Variants in FBXL7 observed in about 807,000 individuals in gnomAD.
FBXL7 encodes the protein F-box/LRR-repeat protein 7.
In FBXL7, 12 loss-of-function variants were observed where a neutral mutation model predicts 38.3. That is an observed-to-expected ratio of 0.31 (90% CI 0.20 to 0.51). The LOEUF is 0.51. FBXL7 is among the 20% of genes least tolerant of loss of function. FBXL7 has a pLI of 0.98. For synonymous variants in FBXL7, 297 were observed against 300.9 expected, an observed-to-expected ratio of 0.99 and a Z score of 0.13; for missense variants, 567 against 676.4, an observed-to-expected ratio of 0.84 and a Z score of 1.79.
At chr5:15,760,629 C>T (rs967332909) in intron 2 of FBXL7, among the ~76,000 whole-genome samples, 8 of 151,992 alleles carry the variant, frequency 5.3e-5, no homozygotes, top group Non-Finnish European at 8.8e-5. Flanking sequence ...AGGGATGAAG[C>T]CTTCTGGACC....
chr5:15,799,920 A>T (rs1350434992), intron 2 of FBXL7, among the ~76,000 whole-genome samples: 1 of 112,996 alleles, frequency 8.8e-6, no homozygotes, highest in Non-Finnish European at 2.0e-5. Flanking sequence ...GTGTACTGTC[A>T]TAAAGTGTTT....
At chr5:15,672,028 T>G (rs17523486) in intron 2 of FBXL7, among the ~76,000 whole-genome samples, 26,123 of 152,178 alleles carry the variant, frequency 0.17, 2,333 homozygotes, top group Non-Finnish European at 0.19. Context: ...CTAATAATGT[T>G]AGTTACTGTA....
At chr5:15,847,198 T>C (rs1314789148) in intron 2 of FBXL7, among the ~76,000 whole-genome samples, 1 of 152,166 alleles carries the variant, frequency 6.6e-6, no homozygotes, top group Non-Finnish European at 1.5e-5. Flanking sequence ...GGGTAATTTA[T>C]AAAGGAAAGA....
chr5:15,701,484 CA>C (rs530439634), intron 2 of FBXL7, among the ~76,000 whole-genome samples: 3 of 152,146 alleles, frequency 2.0e-5, no homozygotes, highest in African/African-American at 2.4e-5. Flanking sequence ...TCATCATTGT[CA>C]TGCTTCAGTT....
intron 1 of FBXL7, among the ~76,000 whole-genome samples, chr5:15,564,628 CTTAT>C (rs1186495523): frequency 6.6e-6 from 1 of 151,922 alleles, no homozygotes; most frequent in Non-Finnish European, 1.5e-5. Context: ...GAAAGAAAAT[CTTAT>C]TTATTATTTA....
intron 1 of FBXL7, among the ~76,000 whole-genome samples, chr5:15,572,037 T>A (rs1003742672): frequency 7.9e-5 from 12 of 152,190 alleles, no homozygotes; most frequent in African/African-American, 2.7e-4. Flanking sequence ...ATCTAACCTT[T>A]AAATATTTAA....
intron 2 of FBXL7, among the ~76,000 whole-genome samples, chr5:15,829,410 A>G (rs1245492968): frequency 1.3e-5 from 2 of 152,228 alleles, no homozygotes; most frequent in African/African-American, 4.8e-5. Flanking sequence ...TGAAGCTGCT[A>G]TTGATGTGCA....
intron 2 of FBXL7, among the ~76,000 whole-genome samples, chr5:15,898,972 G>GTATATAA (rs1362064413): frequency 1.3e-5 from 2 of 151,612 alleles, no homozygotes; most frequent in African/African-American, 4.9e-5. Context: ...AAGATTATGT[G>GTATATAA]TATATAATAT....
At chr5:15,816,571 G>A (rs1454944006) in intron 2 of FBXL7, among the ~76,000 whole-genome samples, 1 of 152,066 alleles carries the variant, frequency 6.6e-6, no homozygotes, top group Non-Finnish European at 1.5e-5. Context: ...AGTGACAGAT[G>A]CAGTAAAATT....
At chr5:15,542,351 G>A (rs1390069564) in intron 1 of FBXL7, among the ~76,000 whole-genome samples, 1 of 151,946 alleles carries the variant, frequency 6.6e-6, no homozygotes, top group East Asian at 1.9e-4. Context: ...AAATTTTCTT[G>A]GTTATCCCAT....
chr5:15,544,467 T>G (rs1737845263), intron 1 of FBXL7, among the ~76,000 whole-genome samples: 1 of 152,208 alleles, frequency 6.6e-6, no homozygotes, highest in Admixed American at 6.5e-5. Flanking sequence ...AATTACTGTT[T>G]TTCTTTGTCT....
chr5:15,587,937 TG>T (rs1466283968), intron 1 of FBXL7, among the ~76,000 whole-genome samples: 9 of 152,234 alleles, frequency 5.9e-5, no homozygotes, highest in African/African-American at 2.2e-4. Context: ...CATATGTTTT[TG>T]TTTTTCAAAC....
intron 1 of FBXL7, among the ~76,000 whole-genome samples, chr5:15,542,358 C>A (rs1737777619): frequency 1.3e-5 from 2 of 152,064 alleles, no homozygotes; most frequent in African/African-American, 4.8e-5. Context: ...CTTGGTTATC[C>A]CATTTTAGCT....
At chr5:15,856,785 T>A (rs1049495123) in intron 2 of FBXL7, among the ~76,000 whole-genome samples, 1 of 152,130 alleles carries the variant, frequency 6.6e-6, no homozygotes, top group African/African-American at 2.4e-5. Context: ...TATACATACT[T>A]GTGTTTTTCC....
At chr5:15,725,621 T>C (rs755445613) in intron 2 of FBXL7, among the ~76,000 whole-genome samples, 24 of 152,120 alleles carry the variant, frequency 1.6e-4, no homozygotes, top group Non-Finnish European at 1.8e-4. Flanking sequence ...GCTGTTAATG[T>C]TGGGAAGATT....
intron 1 of FBXL7, among the ~76,000 whole-genome samples, chr5:15,586,664 G>C (rs1415317526): frequency 6.6e-6 from 1 of 152,086 alleles, no homozygotes; most frequent in Non-Finnish European, 1.5e-5. Context: ...TCCAGGGATA[G>C]CACCATTACA....
At chr5:15,923,558 T>C in intron 2 of FBXL7, among the ~76,000 whole-genome samples, 1 of 152,238 alleles carries the variant, frequency 6.6e-6, no homozygotes, top group East Asian at 1.9e-4. Flanking sequence ...ATTTAATGTA[T>C]TTGTGGAAAA....
intron 2 of FBXL7, among the ~76,000 whole-genome samples, chr5:15,783,148 C>A (rs1286313108): frequency 6.6e-6 from 1 of 151,882 alleles, no homozygotes; most frequent in African/African-American, 2.4e-5. Context: ...TGATGGTGGG[C>A]GTGGAAGGTA....
chr5:15,735,760 T>C (rs1363208786), intron 2 of FBXL7, among the ~76,000 whole-genome samples: 2 of 152,192 alleles, frequency 1.3e-5, no homozygotes, highest in African/African-American at 2.4e-5. Context: ...ATTTTGTGAA[T>C]GGTGAATGAT....
Sources: gnomAD v4.1 joint callset for allele counts (sites outside exome capture counted in the v4.1 genomes callset) on GRCh38, gnomAD v4.1.1 for gene constraint, MANE v1.5 for transcripts, NCBI Gene and HGNC (gene_info 2026-07-23, HGNC 2026-07-21) for gene names.